The following GBE1 variants were observed in gnomAD, a reference collection of about 807,000 sequenced individuals.
GBE1 encodes the protein 1,4-alpha-glucan branching enzyme 1, also known as 1,4-alpha-glucan-branching enzyme.
A neutral mutation model predicts 88.8 loss-of-function variants in GBE1; 70 were observed. That is an observed-to-expected ratio of 0.79 (90% CI 0.65 to 0.96). The LOEUF (loss-of-function observed/expected upper bound fraction) is 0.96. GBE1 is among the 40% of genes least tolerant of loss of function. The pLI is 0.00. For synonymous variants in GBE1, 284 were observed against 300.1 expected (o/e 0.95, Z 0.56); for missense variants, 872 against 871.0 (o/e 1.00, Z -0.01).
At chr3:81,688,793 A>T (rs550920122) in intron 2 of GBE1, among the ~76,000 whole-genome samples, 1 of 151,806 alleles carries the variant, frequency 6.6e-6, no homozygotes, top group African/African-American at 2.4e-5. Context: ...ATTTTAAAAC[A>T]GATCTTAATT....
chr3:81,592,110 C>A (rs1373281881), intron 8 of GBE1, among the ~76,000 whole-genome samples: 1 of 152,074 alleles, frequency 6.6e-6, no homozygotes, highest in Non-Finnish European at 1.5e-5. Flanking sequence ...ATTGACACAA[C>A]TGTCACCACC....
At position 81,522,111 on chromosome 3, in the gene GBE1, T is replaced by C. The variant is rs78111491; in HGVS notation, c.1934+13084A>G. On this transcript the variant is annotated intron_variant, in intron 14 of 15. Coordinates refer to ENST00000429644, the MANE Select transcript of GBE1 (RefSeq NM_000158.4). ...ATGGTAAGAGGTCTGGAAAGTATCA[T>C]GAGAATCGATTTAAGAAACTAGCCA... Among the ~76,000 whole-genome samples, 1,079 of 151,424 alleles carry C rather than the reference T, an allele frequency of 7.1e-3. 13 individuals are homozygous for C. Among genetic ancestry groups the C allele is most frequent in the African/African-American group, 0.025 (1,023 of 41,420 alleles).
Position 81,589,951 on chromosome 3 carries a change from G to A in GBE1, c.1236+1086C>T, listed in dbSNP as rs112862151. On this transcript the variant is annotated intron_variant, in intron 9 of 15. Coordinates refer to ENST00000429644, the MANE Select transcript of GBE1 (RefSeq NM_000158.4). ...GATCAAACGTAGGTAGGTCATGACT[G>A]TGAAAAAATACTGGGTGTCTAAATT... Among the ~76,000 whole-genome samples the A allele has an allele frequency of 1.6e-4, 24 of 152,072 alleles. 1 individual carries two copies. Among genetic ancestry groups the A allele is most frequent in the African/African-American group, 5.8e-4 (24 of 41,540 alleles).
At chr3:81,579,350 T>G (rs1172779054) in intron 11 of GBE1, among the ~76,000 whole-genome samples, 1 of 152,134 alleles carries the variant, frequency 6.6e-6, no homozygotes. Flanking sequence ...CTAGGCAACT[T>G]GCATTATTTC....
intron 14 of GBE1, among the ~76,000 whole-genome samples, chr3:81,512,071 T>C (rs1702733013): frequency 6.6e-6 from 1 of 152,006 alleles, no homozygotes; most frequent in African/African-American, 2.4e-5. Context: ...GAGGTCATTA[T>C]CTTAAGTGAA....
chr3:81,711,267 T>G (rs1705861506), intron 1 of GBE1, among the ~76,000 whole-genome samples: 1 of 152,180 alleles, frequency 6.6e-6, no homozygotes, highest in Non-Finnish European at 1.5e-5. Context: ...TTTTTAAGAT[T>G]TTATTTTGTC....
At chr3:81,581,349 T>A (rs1201145975) in intron 10 of GBE1, 74 bp from the exon 11 acceptor site, 6 of 812,328 alleles carry the variant, frequency 7.4e-6, no homozygotes, top group African/African-American at 7.1e-5. Flanking sequence ...AATCTGAAGT[T>A]ATGCATTATA....
At chr3:81,543,092 G>A (rs1703162222) in intron 12 of GBE1, among the ~76,000 whole-genome samples, 1 of 151,854 alleles carries the variant, frequency 6.6e-6, no homozygotes, top group South Asian at 2.1e-4. Context: ...CATATAATAT[G>A]TAATATGAAA....
chr3:81,529,767 T>A (rs1392559303), intron 14 of GBE1, among the ~76,000 whole-genome samples: 1 of 152,070 alleles, frequency 6.6e-6, no homozygotes, highest in African/African-American at 2.4e-5. Context: ...TTTGGGAAAT[T>A]GATTTTTAAA....
rs58928162 is a variant in GBE1, at chr3:81,553,688, GAA to G, written c.1619-16595_1619-16594del. ...AAATGGGTTTCTATGAGAGCCATAA[GAA>G]AAAAAAAAAAACAGACAGAAAGTAC... On this transcript the variant is annotated intron_variant, in intron 12 of 15. Coordinates refer to ENST00000429644, the MANE Select transcript of GBE1 (RefSeq NM_000158.4). Among the ~76,000 whole-genome samples the G allele has an allele frequency of 8.4e-3, 1,121 of 133,520 alleles. 19 individuals carry two copies. Among genetic ancestry groups the G allele is most frequent in the African/African-American group, 0.026 (964 of 37,146 alleles). 87.6% of individuals were successfully genotyped at this position (133,520 alleles called of 152,430 possible). A position where few individuals can be genotyped will look rare whatever the true frequency, so the allele number is the denominator to read the frequency against.
chr3:81,672,924 G>A (rs1021815509), intron 2 of GBE1, among the ~76,000 whole-genome samples: 19 of 151,718 alleles, frequency 1.3e-4, no homozygotes, highest in Admixed American at 1.1e-3. Flanking sequence ...TCTGAATACC[G>A]GGGGTAAAAC....
chr3:81,535,325 C>A lies in GBE1; in HGVS notation c.1804G>T (p.Ala602Ser). The change falls in exon 14 of 16, where the codon GCC becomes TCC. Residue 602 changes from alanine (A) to serine (S), a missense_variant and splice_region_variant. Coordinates refer to ENST00000429644, the MANE Select transcript of GBE1 (RefSeq NM_000158.4). ...ERYGWLAAPQ[A>S]YVSEKHEGNK... ...CCTTCATGTTTTTCACTCACGTAGG[C>A]CTGCAAGAATTAGCACACATGTTAC... The A allele has an allele frequency of 6.3e-7, 1 of 1,599,476 alleles. No individual in the cohort carries two copies. The highest frequency in any genetic ancestry group is 2.2e-5 in the East Asian group (1 of 44,594).
intron 2 of GBE1, among the ~76,000 whole-genome samples, chr3:81,681,801 T>A (rs1377280874): frequency 6.6e-6 from 1 of 152,178 alleles, no homozygotes; most frequent in Admixed American, 6.5e-5. Context: ...CCTCGAAGCA[T>A]ATACAAAACT....
intron 7 of GBE1, among the ~76,000 whole-genome samples, chr3:81,609,163 A>C (rs1327982440): frequency 1.3e-5 from 2 of 152,182 alleles, no homozygotes; most frequent in Non-Finnish European, 2.9e-5. Context: ...ATCTGCTTTC[A>C]GGAAGAAAAA....
intron 6 of GBE1, among the ~76,000 whole-genome samples, chr3:81,645,985 G>C (rs1397125048): frequency 1.3e-5 from 2 of 152,156 alleles, no homozygotes; most frequent in African/African-American, 4.8e-5. Context: ...CTGGAGGGAA[G>C]GGCAGCCCTT....
chr3:81,581,199 T>A lies in GBE1; in HGVS notation c.1412A>T (p.Glu471Val), dbSNP rs771929305. Residue 471 changes from glutamate to valine, a missense_variant, in exon 11 of 16, where the codon GAA becomes GTA. Transcript: ENST00000429644. Reference sequence around the variant, plus strand: ...GCTCTCTGCATAAGCAATGCACTTTTCAAGGTAGCGCCTGTTTGTGAGCGT... The same window carrying A: ...GCTCTCTGCATAAGCAATGCACTTTACAAGGTAGCGCCTGTTTGTGAGCGT... ...VYTLTNRRYL[E>V]KCIAYAESHD... is the part of the protein sequence containing the mutation. The A allele has an allele frequency of 8.1e-6, 13 of 1,607,428 alleles. 1 individual carries two copies. In the South Asian group the frequency reaches 1.3e-4, roughly 17 times the overall value.
intron 14 of GBE1, among the ~76,000 whole-genome samples, chr3:81,531,732 C>G (rs1703013537): frequency 6.6e-6 from 1 of 152,050 alleles, no homozygotes; most frequent in Admixed American, 6.6e-5. Context: ...ACTCTTCCCT[C>G]TCCTTTCTTG....
At chr3:81,515,321 T>C (rs1387302504) in intron 14 of GBE1, among the ~76,000 whole-genome samples, 1 of 151,516 alleles carries the variant, frequency 6.6e-6, no homozygotes, top group African/African-American at 2.4e-5. Context: ...TTCATAATTA[T>C]ATTATTTTTA....
At chr3:81,562,654 A>AT (rs1043633029) in intron 12 of GBE1, among the ~76,000 whole-genome samples, 4 of 152,038 alleles carry the variant, frequency 2.6e-5, no homozygotes, top group Admixed American at 1.3e-4. Context: ...AATTATAGCC[A>AT]TTTTTACAGT....
Sources: gnomAD v4.1 joint callset for allele counts (sites outside exome capture counted in the v4.1 genomes callset) on GRCh38, gnomAD v4.1.1 for gene constraint, MANE v1.5 for transcripts, NCBI Gene and HGNC (gene_info 2026-07-23, HGNC 2026-07-21) for gene names.